Variants in ANO4 observed in about 807,000 individuals in gnomAD.
ANO4 encodes the protein anoctamin 4, also known as anoctamin-4.
Under a neutral mutation model 141.9 loss-of-function variants are expected in ANO4, and 69 were observed. That is an observed-to-expected ratio of 0.49 (90% CI 0.40 to 0.59). The LOEUF is 0.59. ANO4 is among the 20% of genes least tolerant of loss of function. The pLI, the probability that ANO4 is intolerant of heterozygous loss-of-function variation, is 0.00. For synonymous variants in ANO4, 350 were observed against 394.3 expected, an observed-to-expected ratio of 0.89 and a Z score of 1.33; for missense variants, 894 against 1,162.2, an observed-to-expected ratio of 0.77 and a Z score of 3.36.
intron 1 of ANO4, among the ~76,000 whole-genome samples, chr12:100,818,843 T>G (rs2035871244): frequency 6.6e-6 from 1 of 151,908 alleles, no homozygotes; most frequent in South Asian, 2.1e-4. Context: ...AGGCCAGCAC[T>G]ACTGCTAAGA....
chr12:101,084,895 T>C (rs1417815392), intron 16 of ANO4, among the ~76,000 whole-genome samples: 2 of 152,198 alleles, frequency 1.3e-5, no homozygotes, highest in Non-Finnish European at 2.9e-5. Context: ...ATAGCTGAGC[T>C]AGGGCTCTAA....
chr12:100,747,502 C>G lies in ANO4; in HGVS notation c.358+7397C>G, dbSNP rs577470973. 2.6e-5 allele frequency among the ~76,000 whole-genome samples: 4 copies of G among 152,326 alleles called. No homozygotes were observed. In the East Asian group the frequency reaches 7.7e-4, roughly 29 times the overall value. Reference sequence around the variant, plus strand: ...CCATAAGCAGGAATCATTGAGAACTCTTCCCTTTGCCTTGTGCCCTCCTTC... The same window carrying G: ...CCATAAGCAGGAATCATTGAGAACTGTTCCCTTTGCCTTGTGCCCTCCTTC... On this transcript the variant is annotated intron_variant, in intron 3 of 29. Coordinates refer to the ANO4 transcript ENST00000644049.
chr12:100,824,730 C>T (rs901998730), intron 1 of ANO4, among the ~76,000 whole-genome samples: 2 of 152,008 alleles, frequency 1.3e-5, no homozygotes, highest in African/African-American at 4.8e-5. Flanking sequence ...ACACAAAGCT[C>T]TGAATGTTTA....
chr12:100,855,448 T>C (rs11110559), intron 1 of ANO4, among the ~76,000 whole-genome samples: 29,628 of 152,108 alleles, frequency 0.19, 3,384 homozygotes, highest in Middle Eastern at 0.35. Context: ...GTTACAATCA[T>C]GCCATATATT....
At chr12:101,082,380 T>C (rs1354989665) in intron 15 of ANO4, among the ~76,000 whole-genome samples, 3 of 152,176 alleles carry the variant, frequency 2.0e-5, no homozygotes, top group African/African-American at 7.2e-5. Context: ...TTCTTGGGTA[T>C]TTCTTCATAG....
intron 19 of ANO4, among the ~76,000 whole-genome samples, chr12:101,097,283 G>A (rs1384524558): frequency 6.6e-6 from 1 of 152,124 alleles, no homozygotes; most frequent in African/African-American, 2.4e-5. Context: ...TAGGCAAATA[G>A]TTCAATAATT....
intron 1 of ANO4, among the ~76,000 whole-genome samples, chr12:100,812,076 CCACA>C (rs1478635904): frequency 1.3e-5 from 2 of 152,094 alleles, no homozygotes; most frequent in Admixed American, 1.3e-4. Context: ...TTCTCTCCCC[CCACA>C]GACTGTAGTA....
intron 3 of ANO4, among the ~76,000 whole-genome samples, chr12:100,774,910 G>A (rs979793568): frequency 1.3e-5 from 2 of 152,210 alleles, no homozygotes; most frequent in Non-Finnish European, 2.9e-5. Flanking sequence ...GAAGACAAAT[G>A]ATTGTATAAA....
intron 7 of ANO4, among the ~76,000 whole-genome samples, chr12:100,980,031 C>T (rs748286236): frequency 1.1e-4 from 17 of 152,032 alleles, no homozygotes; most frequent in Non-Finnish European, 2.2e-4. Flanking sequence ...TGAGCCACCA[C>T]GCCCGGCCGA....
chr12:100,777,236 G>T (rs1335622542), intron 3 of ANO4, among the ~76,000 whole-genome samples: 1 of 144,196 alleles, frequency 6.9e-6, no homozygotes, highest in African/African-American at 2.6e-5. Flanking sequence ...GGGATTACAG[G>T]TATACACCAC....
intron 2 of ANO4, among the ~76,000 whole-genome samples, chr12:100,909,132 C>A (rs1483207696): frequency 6.6e-6 from 1 of 152,122 alleles, no homozygotes; most frequent in Non-Finnish European, 1.5e-5. Flanking sequence ...GATGGAAAAC[C>A]TAAAGAGCCA....
At chr12:101,058,590 T>G (rs994085220) in intron 14 of ANO4, among the ~76,000 whole-genome samples, 1 of 152,132 alleles carries the variant, frequency 6.6e-6, no homozygotes, top group Non-Finnish European at 1.5e-5. Context: ...CCCTTGTAAG[T>G]TGTATTCCTA....
At chr12:100,914,193 A>G (rs1566003387) in intron 2 of ANO4, among the ~76,000 whole-genome samples, 1 of 152,232 alleles carries the variant, frequency 6.6e-6, no homozygotes, top group African/African-American at 2.4e-5. Flanking sequence ...TTAGGAGATC[A>G]TGATCTTACC....
At chr12:100,768,800 A>G (rs532283703) in intron 3 of ANO4, among the ~76,000 whole-genome samples, 3 of 152,330 alleles carry the variant, frequency 2.0e-5, no homozygotes, top group Middle Eastern at 3.4e-3. Context: ...CTGAATTTTT[A>G]TATTTCCCAT....
chr12:100,997,312 A>G (rs2045429671), intron 8 of ANO4, among the ~76,000 whole-genome samples: 1 of 145,280 alleles, frequency 6.9e-6, no homozygotes, highest in Non-Finnish European at 1.5e-5. Context: ...CCAGCCTGGG[A>G]CAGAGCGAGA....
intron 14 of ANO4, among the ~76,000 whole-genome samples, chr12:101,064,876 A>G (rs1038643919): frequency 1.3e-5 from 2 of 152,112 alleles, no homozygotes; most frequent in Non-Finnish European, 2.9e-5. Flanking sequence ...TCCCTCCCAC[A>G]TGAGATGTGA....
At chr12:100,977,541 C>T (rs1191745687) in intron 7 of ANO4, among the ~76,000 whole-genome samples, 2 of 152,082 alleles carry the variant, frequency 1.3e-5, no homozygotes, top group East Asian at 3.9e-4. Flanking sequence ...ATAAAAAAAA[C>T]CTAAGGGTCA....
At chr12:100,819,864 G>T (rs922219933) in intron 1 of ANO4, among the ~76,000 whole-genome samples, 28 of 151,782 alleles carry the variant, frequency 1.8e-4, no homozygotes, top group African/African-American at 6.5e-4. Flanking sequence ...CTCCTTCTCT[G>T]TTTTGCTTAC....
At chr12:100,829,203 G>A (rs1384378054) in intron 1 of ANO4, among the ~76,000 whole-genome samples, 1 of 151,996 alleles carries the variant, frequency 6.6e-6, no homozygotes, top group Non-Finnish European at 1.5e-5. Context: ...GTTCTTTGGT[G>A]TGAATAGACC....
Sources: allele counts gnomAD v4.1 joint callset (sites outside exome capture counted in the v4.1 genomes callset), GRCh38; gene constraint gnomAD v4.1.1; transcripts MANE v1.5; gene names NCBI Gene and HGNC (gene_info 2026-07-23, HGNC 2026-07-21).